Variants in CFAP46 observed in about 807,000 individuals in gnomAD.
CFAP46 encodes cilia- and flagella-associated protein 46.
CFAP46 carries 245 observed loss-of-function variants against 325.7 expected under a neutral mutation model. The ratio of observed to expected loss-of-function variants is 0.75; its 90% confidence interval spans 0.68 to 0.84. CFAP46 has a LOEUF of 0.84. CFAP46 is among the 40% of genes least tolerant of loss of function. CFAP46 has a pLI of 0.00. For missense variants in CFAP46, 3,346 were observed against 3,543.0 expected, an observed-to-expected ratio of 0.94 and a Z score of 1.41; for synonymous variants, 1,523 against 1,495.9, an observed-to-expected ratio of 1.02 and a Z score of -0.42.
At chr10:132,926,998 G>A (rs1463676905) in intron 9 of CFAP46, among the ~76,000 whole-genome samples, 1 of 152,196 alleles carries the variant, frequency 6.6e-6, no homozygotes, top group Non-Finnish European at 1.5e-5. Context: ...CTGCGCTGAA[G>A]TCTGGGAAGC....
chr10:132,924,510 T>C (rs941262908), intron 11 of CFAP46, among the ~76,000 whole-genome samples, 186 bp downstream of exon 11: 3 of 152,188 alleles, frequency 2.0e-5, no homozygotes, highest in Non-Finnish European at 4.4e-5. Flanking sequence ...GCGCCGCCAA[T>C]GCACCACAGA....
Position 132,814,274 on chromosome 10 carries a change from G to C in CFAP46, c.7286-20C>G. 1 of 1,584,624 alleles carries C rather than the reference G, an allele frequency of 6.3e-7. No homozygotes were observed. Among genetic ancestry groups the C allele is most frequent in the Non-Finnish European group, 8.7e-7 (1 of 1,154,242 alleles). On this transcript the variant is annotated intron_variant, in intron 53 of 57. Coordinates refer to ENST00000368586, the MANE Select transcript of CFAP46 (RefSeq NM_001200049.3). ...GCATTTCTGCAAGGAGAACAGGGTG[G>C]ATACAGACCACGGTGTTTCATCAGA...
rs371788843 is a variant in CFAP46 at position 132,879,348 on chromosome 10, C to T, written c.4005+78G>A. The T allele has an allele frequency of 4.3e-4, 575 of 1,333,966 alleles. 8 individuals carry two copies. In the South Asian group the frequency reaches 7.8e-3, roughly 18 times the overall value. The allele number at this position is 1,333,966 out of a possible 1,614,324, so 82.6% of individuals were successfully genotyped here. ...GGGAAAGACTCTGACATCTTTACAACGCTCACTGCGGTTTCCCCAGCCCGC... is the reference window on the plus strand; with the variant it reads ...GGGAAAGACTCTGACATCTTTACAATGCTCACTGCGGTTTCCCCAGCCCGC... On this transcript the variant is annotated intron_variant, in intron 29 of 57. Transcript: ENST00000368586.
intron 50 of CFAP46, among the ~76,000 whole-genome samples, chr10:132,816,617 G>A (rs115454313): frequency 2.0e-5 from 3 of 152,310 alleles, no homozygotes; most frequent in East Asian, 1.9e-4. Context: ...ACAGGCGTGA[G>A]CAATTGTGCC....
intron 50 of CFAP46, among the ~76,000 whole-genome samples, chr10:132,824,935 T>A (rs1848009490): frequency 6.7e-6 from 1 of 148,188 alleles, no homozygotes; most frequent in Non-Finnish European, 1.5e-5. Flanking sequence ...TGCTTGTGTG[T>A]GCTGTGTGTG....
chr10:132,885,305 A>T lies in CFAP46; in HGVS notation c.3444-19T>A, dbSNP rs948140040. ...GATCAAGCTAAAGAAAGGGAAGGTG[A>T]GAAACCAACGTCAGGATCGGGTGGC... On this transcript the variant is annotated intron_variant, in intron 26 of 57. Transcript: ENST00000368586. The T allele has an allele frequency of 1.3e-6, 2 of 1,534,756 alleles. No individual in the cohort carries two copies. The highest frequency in any genetic ancestry group is 1.8e-6 in the Non-Finnish European group (2 of 1,135,826).
rs1184019861 is a variant in CFAP46, at chr10:132,942,553, G to C, written c.-69C>G. The C allele has an allele frequency of 4.9e-6, 6 of 1,217,248 alleles. No individual in the cohort carries two copies. The South Asian group carries it at 1.5e-4, about 30-fold the overall frequency. The allele number at this position is 1,217,248 out of a possible 1,614,324, so 75.4% of individuals were successfully genotyped here. ...GCGTCCTGCCGCCCACTGTCGGTTG[G>C]GTTCTCCAGCCGCGAGGACCCGGCC... On this transcript the variant is annotated 5_prime_UTR_variant, in exon 1 of 58. Coordinates refer to ENST00000368586, the MANE Select transcript of CFAP46 (RefSeq NM_001200049.3).
intron 17 of CFAP46, 41 bp downstream of exon 17, chr10:132,916,508 G>C: frequency 6.5e-7 from 1 of 1,528,062 alleles, no homozygotes; most frequent in Non-Finnish European, 8.8e-7. Flanking sequence ...TCTGACCCAC[G>C]GCCCCGGGCG....
intron 5 of CFAP46, 126 bp downstream of exon 5, chr10:132,938,463 G>C: frequency 1.1e-6 from 1 of 906,668 alleles, no homozygotes; most frequent in Non-Finnish European, 1.7e-6. Flanking sequence ...CTGTGGGAGA[G>C]AACGCACATG....
At chr10:132,906,161 G>A (rs930253747) in intron 22 of CFAP46, among the ~76,000 whole-genome samples, 9 of 152,352 alleles carry the variant, frequency 5.9e-5, no homozygotes, top group Non-Finnish European at 7.3e-5. Flanking sequence ...TTGCTGCCAC[G>A]CTCTCCCTCT....
At chr10:132,846,911 G>T (rs1335957440) in intron 43 of CFAP46, 21 bp downstream of exon 43, 1 of 1,595,950 alleles carries the variant, frequency 6.3e-7, no homozygotes, top group South Asian at 1.1e-5. Context: ...CTGGCTGGAG[G>T]TGGGCAGGGC....
chr10:132,915,512 C>T (rs1849623086), intron 17 of CFAP46, among the ~76,000 whole-genome samples: 1 of 152,274 alleles, frequency 6.6e-6, no homozygotes, highest in African/African-American at 2.4e-5. Context: ...CAAGCAGGGA[C>T]AGCTGGCTTT....
intron 1 of CFAP46, 29 bp from the exon 2 acceptor site, chr10:132,942,133 T>C (rs921128664): frequency 3.2e-6 from 5 of 1,550,780 alleles, no homozygotes; most frequent in Non-Finnish European, 4.4e-6. Flanking sequence ...TGAGGAAGGT[T>C]TGGTCACTGG....
intron 9 of CFAP46, among the ~76,000 whole-genome samples, chr10:132,927,993 G>A (rs1474194886): frequency 6.6e-6 from 1 of 152,232 alleles, no homozygotes; most frequent in African/African-American, 2.4e-5. Context: ...ACCGGGCAAA[G>A]GGCCAGGACA....
At chr10:132,883,793 C>A (rs913373136) in intron 27 of CFAP46, among the ~76,000 whole-genome samples, 2 of 152,116 alleles carry the variant, frequency 1.3e-5, no homozygotes, top group African/African-American at 4.8e-5. Flanking sequence ...TGGCCCTGGG[C>A]GATGTCATGC....
chr10:132,923,389 GC>G (rs34104262), intron 11 of CFAP46, among the ~76,000 whole-genome samples: 6 of 126,580 alleles, frequency 4.7e-5, no homozygotes, highest in African/African-American at 1.2e-4. Flanking sequence ...GCCTCGAGCA[GC>G]CCATGTGGGG....
At position 132,885,686 on chromosome 10, in the gene CFAP46, C is replaced by T. The variant is rs556174359; in HGVS notation, c.3443+135G>A. ...AGCAGGTGGTGGGGGGAGCACACTC[C>T]GGTGGGGGAGCACACCCCCGGTGGG... is the stretch of plus-strand genomic sequence containing the variant. On this transcript the variant is annotated intron_variant, in intron 26 of 57. Coordinates refer to ENST00000368586, the MANE Select transcript of CFAP46 (RefSeq NM_001200049.3). The T allele has an allele frequency of 3.7e-5, 30 of 807,216 alleles. No individual in the cohort carries two copies. The Admixed American group carries it at 4.3e-4, about 12-fold the overall frequency. The allele number at this position is 807,216 out of a possible 1,614,324, so 50.0% of individuals were successfully genotyped here. A position where few individuals can be genotyped will look rare whatever the true frequency, so the allele number is the denominator to read the frequency against.
chr10:132,860,378 C>T (rs1407906819), intron 37 of CFAP46, 39 bp downstream of exon 37: 1 of 1,475,558 alleles, frequency 6.8e-7, no homozygotes, highest in Admixed American at 2.0e-5. Context: ...GAAACCACAG[C>T]TTTCACGCTA....
At chr10:132,837,021 C>T (rs1352207774) in intron 44 of CFAP46, 107 bp from the exon 45 acceptor site, 1 of 851,144 alleles carries the variant, frequency 1.2e-6, no homozygotes. Flanking sequence ...ACGGCGGGGG[C>T]TTTGTACCCT....
Sources: allele counts gnomAD v4.1 joint callset (sites outside exome capture counted in the v4.1 genomes callset), GRCh38; gene constraint gnomAD v4.1.1; transcripts MANE v1.5; gene names NCBI Gene and HGNC (gene_info 2026-07-23, HGNC 2026-07-21).